Variants in ORAI3 observed in about 807,000 individuals in gnomAD.
ORAI3 encodes the protein ORAI calcium release-activated calcium modulator 3.
A neutral mutation model predicts 17.2 loss-of-function variants in ORAI3; 15 were observed. The ratio of observed to expected loss-of-function variants is 0.87; its 90% CI spans 0.58 to 1.34. The LOEUF (loss-of-function observed/expected upper bound fraction) is 1.34, where lower values mean the gene tolerates loss of function less well. ORAI3 is among the 40% of genes most tolerant of loss of function. The probability of loss-of-function intolerance (pLI) is 0.00; values close to 1 mark genes in which losing one functional copy is unlikely to be tolerated. For synonymous variants in ORAI3, 178 were observed against 172.4 expected, an observed-to-expected ratio of 1.03 and a Z score of -0.25; for missense variants, 405 against 396.7, an observed-to-expected ratio of 1.02 and a Z score of -0.18.
rs1361368354 is a variant in ORAI3, at chr16:30,949,147, G to C, written c.-143G>C. The C allele has an allele frequency of 5.3e-5, 28 of 527,982 alleles. No individual in the cohort carries two copies. The East Asian group carries it at 6.7e-4, about 13-fold the overall frequency. 32.7% of individuals were successfully genotyped at this position (527,982 alleles called of 1,614,324 possible). ...CGCTGCTTTTCTTGCTCCACTGGGG[G>C]TGCCTCTTCCTGGGCGCCCGCCGCC... On this transcript the variant is annotated 5_prime_UTR_variant, in exon 1 of 2. Transcript: ENST00000318663.
In ORAI3 at chr16:30,953,263, A is replaced by T. The variant is rs773814296; in HGVS notation, c.307A>T (p.Thr103Ser). ...GLLVAFSACT[T>S]VLVAVHLFAL... ...GCTGGTGGCCTTCAGTGCCTGCACCACCGTGCTGGTGGCTGTGCACCTCTT... is the reference window on the plus strand; with the variant it reads ...GCTGGTGGCCTTCAGTGCCTGCACCTCCGTGCTGGTGGCTGTGCACCTCTT... The change falls in exon 2 of 2, where the codon ACC becomes TCC. Residue 103 changes from threonine to serine, a missense_variant. Thr to Ser is a moderately conservative substitution (Grantham distance 58). Transcript: ENST00000318663. The T allele has an allele frequency of 1.2e-6, 2 of 1,613,068 alleles. No individual in the cohort carries two copies. The highest frequency in any genetic ancestry group is 1.7e-6 in the Non-Finnish European group (2 of 1,179,426).
At chr16:30,952,807 AG>A (rs1422317353) in intron 1 of ORAI3, among the ~76,000 whole-genome samples, 1 of 152,160 alleles carries the variant, frequency 6.6e-6, no homozygotes, top group East Asian at 1.9e-4. Context: ...CAGGGATTAC[AG>A]GCATGTGCCA....
In ORAI3 at chr16:30,953,355, C is replaced by T. The variant is rs1278936647; in HGVS notation, c.399C>T (p.Asn133=). ...CTGTGAGCAACATCCACAACCTCAACTCTGTCCACCAGTCGCCACACCAGA... is the reference window on the plus strand; with the variant it reads ...CTGTGAGCAACATCCACAACCTCAATTCTGTCCACCAGTCGCCACACCAGA... ...IEAVSNIHNL[N]SVHQSPHQRL... is the part of the protein sequence containing the mutation. Residue 133 remains asparagine (N), a synonymous_variant, in exon 2 of 2, where the codon AAC becomes AAT. Transcript: ENST00000318663. 2 of 1,614,206 alleles carry T rather than the reference C, an allele frequency of 1.2e-6. No individual in the cohort carries two copies. Among genetic ancestry groups the T allele is most frequent in the South Asian group, 2.2e-5 (2 of 91,080 alleles).
In ORAI3 at chr16:30,949,246, G is replaced by A. The variant is rs1242191109; in HGVS notation, c.-44G>A. 14 of 1,321,108 alleles carry A rather than the reference G, an allele frequency of 1.1e-5. No homozygotes were observed. The highest frequency in any genetic ancestry group is 9.4e-5 in the African/African-American group (6 of 64,120). The allele number at this position is 1,321,108 out of a possible 1,614,324, so 81.8% of individuals were successfully genotyped here. On this transcript the variant is annotated 5_prime_UTR_variant, in exon 1 of 2. Transcript: ENST00000318663. ...CCGGCCCGGCTGGGGCCCCCGAGGC[G>A]CTTCCGCCCCGTAGTGACCGCCTGG...
rs1245247932 is a variant in ORAI3 at position 30,953,712 on chromosome 16, G to A, written c.756G>A (p.Met252Ile). 6.2e-7 allele frequency: 1 copy of A among 1,614,092 alleles called. No individual in the cohort carries two copies. The highest frequency in any genetic ancestry group is 8.5e-7 in the Non-Finnish European group (1 of 1,180,056). Residue 252 changes from methionine (M) to isoleucine (I), a missense_variant, in exon 2 of 2, where the codon ATG becomes ATA. Coordinates refer to ENST00000318663, the MANE Select transcript of ORAI3 (RefSeq NM_152288.3). ...WQAAMASTAI[M>I]VPVGLVFVAF... ...CAGCCATGGCCTCCACAGCCATCAT[G>A]GTACCCGTGGGGCTCGTGTTTGTGG...
intron 1 of ORAI3, among the ~76,000 whole-genome samples, chr16:30,951,641 G>A (rs1477512295): frequency 3.3e-5 from 5 of 151,826 alleles, no homozygotes; most frequent in African/African-American, 1.2e-4. Context: ...CAGGAGGATC[G>A]CTTGAGCCTA....
intron 1 of ORAI3, chr16:30,949,799 G>A: frequency 2.4e-6 from 1 of 422,948 alleles, no homozygotes; most frequent in Non-Finnish European, 4.3e-6. Flanking sequence ...GCAACAGTGA[G>A]GCAGAGTGGT....
Position 30,949,324 on chromosome 16 carries a change from C to T in ORAI3, c.35C>T (p.Ala12Val). ...GGCGAGGGGGACGCGGGCGAGCAGG[C>T]CCCGCTGAACCCTGAGGGCGAGAGC... is the stretch of plus-strand genomic sequence containing the variant. The part of the protein sequence containing the change: ...KGGEGDAGEQ[A>V]PLNPEGESPA... The change falls in exon 1 of 2, where the codon GCC (alanine) becomes GTC (valine). Residue 12 changes from alanine to valine, a missense_variant. Physicochemically the swap from Ala to Val is moderately conservative, Grantham distance 64. Transcript: ENST00000318663. 2.1e-6 allele frequency: 3 copies of T among 1,456,060 alleles called. No individual in the cohort carries two copies. Among genetic ancestry groups the T allele is most frequent in the South Asian group, 1.4e-5 (1 of 73,730 alleles). The allele number at this position is 1,456,060 out of a possible 1,614,324, so 90.2% of individuals were successfully genotyped here.
At chr16:30,950,943 G>C (rs1466583243) in intron 1 of ORAI3, among the ~76,000 whole-genome samples, 1 of 152,202 alleles carries the variant, frequency 6.6e-6, no homozygotes, top group African/African-American at 2.4e-5. Flanking sequence ...GCAGGAGGAA[G>C]GGGCTGGAGG....
rs774912909 is a variant in ORAI3 at position 30,953,432 on chromosome 16, C to T, written c.476C>T (p.Thr159Ile). 4 of 1,614,258 alleles carry T rather than the reference C, an allele frequency of 2.5e-6. No homozygotes were observed. The highest frequency in any genetic ancestry group is 1.3e-5 in the African/African-American group (1 of 75,066). ...LAWGFSTALG[T>I]FLFLAEVVLV... ...TGGGGCTTCTCCACTGCCCTGGGCA[C>T]CTTTCTCTTCCTTGCTGAAGTTGTC... The change falls in exon 2 of 2, where the codon ACC becomes ATC. Residue 159 changes from threonine to isoleucine, a missense_variant. By Grantham distance (89) the Thr-to-Ile change is moderately conservative. Transcript: ENST00000318663.
In ORAI3 at chr16:30,953,531, G is replaced by A. The variant is rs745665029; in HGVS notation, c.575G>A (p.Arg192Gln). The A allele has an allele frequency of 1.1e-5, 17 of 1,614,090 alleles. No individual in the cohort carries two copies. Among genetic ancestry groups the A allele is most frequent in the Middle Eastern group, 1.6e-4 (1 of 6,084 alleles). The part of the protein sequence containing the change: ...DTPTPMVPTS[R>Q]VPGTLAPVAT... ...CCGACCCCCATGGTGCCCACATCCC[G>A]GGTGCCCGGGACTCTGGCACCAGTG... is the stretch of plus-strand genomic sequence containing the variant. Residue 192 changes from arginine to glutamine, a missense_variant, in exon 2 of 2, where the codon CGG becomes CAG. By Grantham distance (43) the Arg-to-Gln change is conservative. Transcript: ENST00000318663.
At chr16:30,953,056 G>A in intron 1 of ORAI3, 129 bp from the exon 2 acceptor site, 1 of 813,604 alleles carries the variant, frequency 1.2e-6, no homozygotes, top group South Asian at 1.7e-5. Context: ...GAGACTGAAT[G>A]TCTCTGGTTT....
chr16:30,951,257 T>C (rs756911183), intron 1 of ORAI3, among the ~76,000 whole-genome samples: 10 of 152,198 alleles, frequency 6.6e-5, no homozygotes, highest in Non-Finnish European at 1.3e-4. Flanking sequence ...AATAGCATTA[T>C]ACAAATTGTA....
Position 30,949,281 on chromosome 16 carries a change from C to CG in ORAI3, c.-9_-8insG, listed in dbSNP as rs1007226896. 6 of 1,395,180 alleles carry CG rather than the reference C, an allele frequency of 4.3e-6. No homozygotes were observed. In the African/African-American group the frequency reaches 9.1e-5, roughly 21 times the overall value. 86.4% of individuals were successfully genotyped at this position (1,395,180 alleles called of 1,614,324 possible). A position where few individuals can be genotyped will look rare whatever the true frequency, so the allele number is the denominator to read the frequency against. ...CGTAGTGACCGCCTGGTGCCGCCCC[C>CG]CCCCCAGGATGAAGGGCGGCGAGGG... On this transcript the variant is annotated 5_prime_UTR_variant, in exon 1 of 2. Coordinates refer to ENST00000318663, the MANE Select transcript of ORAI3 (RefSeq NM_152288.3).
At chr16:30,949,877 C>G in intron 1 of ORAI3, 1 of 201,768 alleles carries the variant, frequency 5.0e-6, no homozygotes, top group South Asian at 7.5e-5. Flanking sequence ...GGCAGGTCAG[C>G]TGGGTGGGGG....
At chr16:30,951,701 G>A (rs1237182821) in intron 1 of ORAI3, among the ~76,000 whole-genome samples, 4 of 151,106 alleles carry the variant, frequency 2.6e-5, no homozygotes, top group Non-Finnish European at 4.4e-5. Flanking sequence ...AGCAAGACCT[G>A]GCATCTACCA....
In ORAI3 at chr16:30,952,190, G is replaced by A. The variant is rs372341455; in HGVS notation, c.229-995G>A. 8.5e-5 allele frequency among the ~76,000 whole-genome samples: 12 copies of A among 141,250 alleles called. No homozygotes were observed. In the East Asian group the frequency reaches 1.7e-3, roughly 20 times the overall value. 92.7% of individuals were successfully genotyped at this position (141,250 alleles called of 152,430 possible). A position where few individuals can be genotyped will look rare whatever the true frequency, so the allele number is the denominator to read the frequency against. ...CACCCAGGCTGGAGTGCAGTGGTGCGATCTCGGCTCACTGCAACCTCTGCC... is the reference window on the plus strand; with the variant it reads ...CACCCAGGCTGGAGTGCAGTGGTGCAATCTCGGCTCACTGCAACCTCTGCC... On this transcript the variant is annotated intron_variant, in intron 1 of 1. Coordinates refer to ENST00000318663, the MANE Select transcript of ORAI3 (RefSeq NM_152288.3).
Position 30,949,483 on chromosome 16 carries a change from G to A in ORAI3, c.194G>A (p.Ser65Asn). The change falls in exon 1 of 2, where the codon AGC (serine) becomes AAC (asparagine). Residue 65 changes from serine to asparagine, a missense_variant. Transcript: ENST00000318663. ...YLSRAKLKAS[S>N]RTSALLSGFA... ...AGCCGGGCCAAGCTCAAAGCTTCCA[G>A]CCGCACGTCTGCCTTGCTCTCGGGC... is the stretch of plus-strand genomic sequence containing the variant. 6.2e-7 allele frequency: 1 copy of A among 1,600,300 alleles called. No homozygotes were observed. Among genetic ancestry groups the A allele is most frequent in the East Asian group, 2.3e-5 (1 of 43,650 alleles).
rs1379532464 is a variant in ORAI3, at chr16:30,949,511, C to T, written c.222C>T (p.Phe74=). The change falls in exon 1 of 2, where the codon TTC becomes TTT. Residue 74 remains phenylalanine (F), a synonymous_variant. Transcript: ENST00000318663. ...GCACGTCTGCCTTGCTCTCGGGCTTCGCCATGGTGAGGGGCCGGGAGGGGT... is the reference window on the plus strand; with the variant it reads ...GCACGTCTGCCTTGCTCTCGGGCTTTGCCATGGTGAGGGGCCGGGAGGGGT... The part of the protein sequence containing the change: ...SSRTSALLSG[F]AMVAMVEVQL... 1.3e-6 allele frequency: 2 copies of T among 1,585,282 alleles called. No homozygotes were observed. The highest frequency in any genetic ancestry group is 1.4e-5 in the African/African-American group (1 of 71,478).
Sources: allele counts gnomAD v4.1 joint callset (sites outside exome capture counted in the v4.1 genomes callset), GRCh38; gene constraint gnomAD v4.1.1; transcripts MANE v1.5; gene names NCBI Gene and HGNC (gene_info 2026-07-23, HGNC 2026-07-21).